Variants in RNF126 observed in about 807,000 individuals in gnomAD.
The protein encoded by RNF126 is E3 ubiquitin-protein ligase RNF126.
In RNF126, 20 loss-of-function variants were observed where a neutral mutation model predicts 41.9. The ratio of observed to expected loss-of-function variants is 0.48; its 90% CI spans 0.34 to 0.69. The LOEUF is 0.69. RNF126 is among the 30% of genes least tolerant of loss of function. RNF126 has a pLI of 0.01. For synonymous variants in RNF126, 239 were observed against 202.9 expected (o/e 1.18, Z -1.51); for missense variants, 433 against 460.6 (o/e 0.94, Z 0.55).
In RNF126 at chr19:649,671, C is replaced by T. The variant is rs762825104; in HGVS notation, c.576+8G>A. On this transcript the variant is annotated splice_region_variant and intron_variant, in intron 6 of 8. Transcript: ENST00000292363. ...CAGCAGGCACTCTGGGCCGTGGCCA[C>T]GCTGTACCTGTGTGATGATGGCATC... The T allele has an allele frequency of 3.8e-6, 6 of 1,558,992 alleles. No homozygotes were observed. The highest frequency in any genetic ancestry group is 3.8e-5 in the Admixed American group (2 of 52,986).
In RNF126 at chr19:657,219, C is replaced by A. The variant is rs889873018; in HGVS notation, c.76-4335G>T. 1.3e-5 allele frequency among the ~76,000 whole-genome samples: 2 copies of A among 152,332 alleles called. 1 individual carries two copies. Among genetic ancestry groups the A allele is most frequent in the South Asian group, 4.1e-4 (2 of 4,828 alleles). On this transcript the variant is annotated intron_variant, in intron 1 of 8. Transcript: ENST00000292363. ...TGCCAGCCCCAGCCCCGAATCTCTC[C>A]TGGACAAGCACGAGGCCCTGCACAC...
chr19:651,754 C>A lies in RNF126; in HGVS notation c.300G>T (p.Ala100=), dbSNP rs139564628. The part of the protein sequence containing the change: ...SFEIPTFPPG[A]QADDGRDPES... Reference sequence around the variant, plus strand: ...CAGGGTCCCTGCCGTCGTCAGCCTGCGCCCCAGGAGGGAACGTGGGGATCT... The same window carrying A: ...CAGGGTCCCTGCCGTCGTCAGCCTGAGCCCCAGGAGGGAACGTGGGGATCT... The change falls in exon 4 of 9, where the codon GCG becomes GCT. Residue 100 remains alanine (A), a synonymous_variant. Coordinates refer to ENST00000292363, the MANE Select transcript of RNF126 (RefSeq NM_194460.3). The A allele has an allele frequency of 2.5e-6, 4 of 1,612,560 alleles. No individual in the cohort carries two copies. The highest frequency in any genetic ancestry group is 2.2e-5 in the East Asian group (1 of 44,856).
rs1159902032 is a variant in RNF126 at position 659,240 on chromosome 19, G to A, written c.75+3807C>T. On this transcript the variant is annotated intron_variant, in intron 1 of 8. Transcript: ENST00000292363. The surrounding 1 kb of genome is among the most constrained non-coding windows in gnomAD (Gnocchi z 4.9). ...TTCTGAAGACTCGGGCCAGGCCGCC[G>A]CAGGGACCAGGAGAAGACAGGGTGG... 3.3e-5 allele frequency among the ~76,000 whole-genome samples: 5 copies of A among 152,148 alleles called. No individual in the cohort carries two copies. Among genetic ancestry groups the A allele is most frequent in the Non-Finnish European group, 4.4e-5 (3 of 68,010 alleles).
chr19:653,599 G>T (rs558310191), intron 1 of RNF126, among the ~76,000 whole-genome samples: 1 of 152,218 alleles, frequency 6.6e-6, no homozygotes, highest in Non-Finnish European at 1.5e-5. Flanking sequence ...CTCACAGGGC[G>T]GACTCCTCAT....
At position 652,264 on chromosome 19, in the gene RNF126, G is replaced by C. The variant is rs199880261; in HGVS notation, c.167C>G (p.Ala56Gly). 1 of 1,552,284 alleles carries C rather than the reference G, an allele frequency of 6.4e-7. No individual in the cohort carries two copies. Reference protein sequence around the residue: ...STENGSAPSTAPTDQSRPPLE... With the variant: ...STENGSAPSTGPTDQSRPPLE... ...CGGTGGCCGGCTCTGGTCTGTGGGA[G>C]CTGTGGAGGGGGCAGAACCATTTTC... The change falls in exon 3 of 9, where the codon GCT (alanine) becomes GGT (glycine). Residue 56 changes from alanine (A) to glycine (G), a missense_variant. Physicochemically the swap from Ala to Gly is moderately conservative, Grantham distance 60 (BLOSUM62 0). Transcript: ENST00000292363.
In RNF126 at chr19:648,281, T is replaced by C; in HGVS notation, c.787-4A>G. 6.5e-7 allele frequency: 1 copy of C among 1,545,796 alleles called. No individual in the cohort carries two copies. The highest frequency in any genetic ancestry group is 8.7e-7 in the Non-Finnish European group (1 of 1,145,478). On this transcript the variant is annotated splice_polypyrimidine_tract_variant and splice_region_variant and intron_variant, in intron 8 of 8. Transcript: ENST00000292363. ...GGCAGACGGGGCAGCTGTCGTGCTT[T>C]GTGGGGACAGAGGCAGGGACGGGAG...
At chr19:650,415 T>A in intron 4 of RNF126, 119 bp from the exon 5 acceptor site, 1 of 797,576 alleles carries the variant, frequency 1.3e-6, no homozygotes, top group East Asian at 2.7e-5. Flanking sequence ...TAGATTAGCT[T>A]CTATTTATTT....
Position 647,964 on chromosome 19 carries a change from GGGGCCGGT to G in RNF126, c.*156_*163del, listed in dbSNP as rs1369096007. 8.1e-6 allele frequency: 7 copies of G among 866,520 alleles called. No homozygotes were observed. The highest frequency in any genetic ancestry group is 8.6e-6 in the Non-Finnish European group (5 of 581,238). 53.7% of individuals were successfully genotyped at this position (866,520 alleles called of 1,614,324 possible). Reference sequence around the variant, plus strand: ...TGTGGCCCACGCCTTCCCAAGCCAGGGGGCCGGTGGGCCGGGCCCGGGTCCTGCCCTGG... The same window carrying G: ...TGTGGCCCACGCCTTCCCAAGCCAGGGGGCCGGGCCCGGGTCCTGCCCTGG... On this transcript the variant is annotated 3_prime_UTR_variant, in exon 9 of 9. Coordinates refer to ENST00000292363, the MANE Select transcript of RNF126 (RefSeq NM_194460.3).
chr19:649,397 G>C, intron 6 of RNF126: 1 of 474,930 alleles, frequency 2.1e-6, no homozygotes, highest in South Asian at 3.0e-5. Flanking sequence ...CTCGGGAAGA[G>C]GGACCGCGTG....
rs2030048647 is a variant in RNF126 at position 648,092 on chromosome 19, G to A, written c.*36C>T. On this transcript the variant is annotated 3_prime_UTR_variant, in exon 9 of 9. Coordinates refer to ENST00000292363, the MANE Select transcript of RNF126 (RefSeq NM_194460.3). ...TGTGGCGCTGGCTGAGGGTGGGTGGGAAAGGCCCCGTGCTTTCCCGACGGC... is the reference window on the plus strand; with the variant it reads ...TGTGGCGCTGGCTGAGGGTGGGTGGAAAAGGCCCCGTGCTTTCCCGACGGC... 2 of 1,525,032 alleles carry A rather than the reference G, an allele frequency of 1.3e-6. No homozygotes were observed. Among genetic ancestry groups the A allele is most frequent in the Non-Finnish European group, 1.8e-6 (2 of 1,134,414 alleles). The allele number at this position is 1,525,032 out of a possible 1,614,324, so 94.5% of individuals were successfully genotyped here. A position where few individuals can be genotyped will look rare whatever the true frequency, so the allele number is the denominator to read the frequency against.
At chr19:655,557 A>T (rs2030525792) in intron 1 of RNF126, among the ~76,000 whole-genome samples, 1 of 152,062 alleles carries the variant, frequency 6.6e-6, no homozygotes, top group Admixed American at 6.6e-5. Context: ...GGGTAAACGC[A>T]GCCGGCCAGC....
intron 6 of RNF126, 24 bp from the exon 7 acceptor site, chr19:648,999 C>A: frequency 7.8e-7 from 1 of 1,278,544 alleles, no homozygotes; most frequent in South Asian, 2.3e-5. Context: ...GGCGAGAGTG[C>A]CGGGAGCTCC....
intron 1 of RNF126, among the ~76,000 whole-genome samples, chr19:658,777 G>A (rs572895485): frequency 2.6e-5 from 4 of 152,320 alleles, no homozygotes; most frequent in East Asian, 1.9e-4. Flanking sequence ...CCCAGGCCCC[G>A]AACTCTGCCT....
At chr19:662,705 G>A (rs1227289450) in intron 1 of RNF126, among the ~76,000 whole-genome samples, 1 of 152,096 alleles carries the variant, frequency 6.6e-6, no homozygotes, top group African/African-American at 2.4e-5. Context: ...TGCAAAACCA[G>A]GCTCACCGGG....
chr19:652,533 G>GT (rs1490371332), intron 2 of RNF126: 4 of 603,080 alleles, frequency 6.6e-6, no homozygotes, highest in African/African-American at 1.9e-5. Flanking sequence ...GAGAATGTGG[G>GT]TAGGGCCCCC....
In RNF126 at chr19:652,308, G is replaced by C. The variant is rs558383349; in HGVS notation, c.135-12C>G. On this transcript the variant is annotated splice_polypyrimidine_tract_variant and intron_variant, in intron 2 of 8. Transcript: ENST00000292363. ...CATTTTCTGTGCTCCTGGGGAGAGA[G>C]TGCAGGTCAGCAGTGCCGGCTACCC... 18 of 1,556,248 alleles carry C rather than the reference G, an allele frequency of 1.2e-5. No homozygotes were observed. The African/African-American group carries it at 1.5e-4, about 13-fold the overall frequency.
intron 6 of RNF126, 74 bp from the exon 7 acceptor site, chr19:649,049 G>T: frequency 1.4e-6 from 1 of 722,780 alleles, no homozygotes; most frequent in Non-Finnish European, 2.0e-6. Context: ...CGAGGCTGCA[G>T]GACCTGCAAA....
At chr19:662,385 G>T (rs1313304108) in intron 1 of RNF126, among the ~76,000 whole-genome samples, 1 of 152,200 alleles carries the variant, frequency 6.6e-6, no homozygotes, top group Non-Finnish European at 1.5e-5. Context: ...CCTGGAGGAA[G>T]GGTGGGCTGC....
At chr19:652,966 C>A (rs1288910723) in intron 1 of RNF126, 82 bp from the exon 2 acceptor site, 10 of 1,321,212 alleles carry the variant, frequency 7.6e-6, no homozygotes, top group Middle Eastern at 1.8e-4. Flanking sequence ...CAGAGGGGCT[C>A]CGGACCCAGC....
Sources: gnomAD v4.1 joint callset for allele counts (sites outside exome capture counted in the v4.1 genomes callset) on GRCh38, gnomAD v4.1.1 for gene constraint, Gnocchi (gnomAD v3.1) non-coding constraint, MANE v1.5 for transcripts, NCBI Gene and HGNC (gene_info 2026-07-23, HGNC 2026-07-21) for gene names.